The following CYP19A1 variants were observed in gnomAD, a reference collection of about 807,000 sequenced individuals.
The protein encoded by CYP19A1 is cytochrome P450 family 19 subfamily A member 1, also known as aromatase.
CYP19A1 carries 32 observed loss-of-function variants against 44.4 expected under a neutral mutation model. The observed-to-expected ratio is 0.72, with a 90% CI of 0.54 to 0.97. CYP19A1 has a LOEUF of 0.97. Ranked by LOEUF, CYP19A1 falls within the 50% of genes least tolerant of loss-of-function variation. The pLI, the probability that CYP19A1 is intolerant of heterozygous loss-of-function variation, is 0.00. For synonymous variants in CYP19A1, 212 were observed against 215.6 expected, an observed-to-expected ratio of 0.98 and a Z score of 0.14; for missense variants, 598 against 637.8, an observed-to-expected ratio of 0.94 and a Z score of 0.67.
chr15:51,276,505 G>T (rs1455044140), intron 1 of CYP19A1, among the ~76,000 whole-genome samples: 1 of 152,164 alleles, frequency 6.6e-6, no homozygotes, highest in Non-Finnish European at 1.5e-5. Context: ...AGTTAAAACT[G>T]AAAACATATC....
At chr15:51,337,562 A>G (rs2036796946) in intron 1 of CYP19A1, among the ~76,000 whole-genome samples, 1 of 152,242 alleles carries the variant, frequency 6.6e-6, no homozygotes, top group Admixed American at 6.5e-5. Flanking sequence ...ATAACCACAG[A>G]GCCCCTGCAG....
chr15:51,321,836 G>C (rs1236009940), intron 1 of CYP19A1: 1 of 152,498 alleles, frequency 6.6e-6, no homozygotes, highest in East Asian at 1.9e-4. Flanking sequence ...AGGCAGGCTG[G>C]ACTATGCTGG....
chr15:51,278,172 C>T (rs1367939088), intron 1 of CYP19A1: 2 of 151,784 alleles, frequency 1.3e-5, no homozygotes, highest in African/African-American at 4.8e-5. Context: ...GCTTAGAGAC[C>T]AAACCATTAA....
intron 4 of CYP19A1, among the ~76,000 whole-genome samples, chr15:51,224,888 T>A (rs772139937): frequency 4.6e-5 from 7 of 152,214 alleles, no homozygotes; most frequent in Non-Finnish European, 8.8e-5. Flanking sequence ...CCTGGATGCA[T>A]CATGTCTATC....
intron 4 of CYP19A1, among the ~76,000 whole-genome samples, chr15:51,225,286 CT>C (rs2032477317): frequency 6.6e-6 from 1 of 152,176 alleles, no homozygotes; most frequent in South Asian, 2.1e-4. Flanking sequence ...TTAATTAGCT[CT>C]TGCATGTCAG....
chr15:51,232,404 C>A (rs891697494), intron 3 of CYP19A1, among the ~76,000 whole-genome samples: 1 of 152,192 alleles, frequency 6.6e-6, no homozygotes, highest in South Asian at 2.1e-4. Context: ...CTGGTTTTCT[C>A]TTCTCGGTCT....
chr15:51,331,200 T>G (rs1352745086), intron 1 of CYP19A1, among the ~76,000 whole-genome samples: 1 of 152,192 alleles, frequency 6.6e-6, no homozygotes, highest in African/African-American at 2.4e-5. Flanking sequence ...TAACATTAAA[T>G]GTTCAGCAAC....
chr15:51,212,505 T>C lies in CYP19A1; in HGVS notation c.1078A>G (p.Ile360Val), dbSNP rs375736488. Reference sequence around the variant, plus strand: ...GGCTGGTACCGCATGCTCTCATAAATGAAGTTTTCCATCACTTTTAATTTT... The same window carrying C: ...GGCTGGTACCGCATGCTCTCATAAACGAAGTTTTCCATCACTTTTAATTTT... ...IQKLKVMENFIYESMRYQPVV... is the reference protein window; with the variant it reads ...IQKLKVMENFVYESMRYQPVV... The change falls in exon 9 of 10, where the codon ATT becomes GTT. Residue 360 changes from isoleucine to valine, a missense_variant. Coordinates refer to ENST00000396402, the MANE Select transcript of CYP19A1 (RefSeq NM_000103.4). 1.3e-6 allele frequency: 2 copies of C among 1,578,132 alleles called. No homozygotes were observed. Among genetic ancestry groups the C allele is most frequent in the South Asian group, 2.2e-5 (2 of 90,380 alleles).
At chr15:51,246,777 T>C (rs190673666) in intron 1 of CYP19A1, among the ~76,000 whole-genome samples, 91 of 152,272 alleles carry the variant, frequency 6.0e-4, no homozygotes, top group African/African-American at 2.0e-3. Flanking sequence ...CTAAATCCTT[T>C]TAGCGTGGGG....
At chr15:51,218,371 T>C in intron 6 of CYP19A1, 170 bp downstream of exon 6, 1 of 1,050,714 alleles carries the variant, frequency 9.5e-7, no homozygotes, top group Non-Finnish European at 1.3e-6. Context: ...TCTGGCCAAA[T>C]GCAGCCAAAT....
chr15:51,338,321 C>G (rs1278259270), intron 1 of CYP19A1, 174 bp downstream of exon 1: 1 of 152,186 alleles, frequency 6.6e-6, no homozygotes. Context: ...TCTCACACCA[C>G]GACAACAGTC....
intron 1 of CYP19A1, among the ~76,000 whole-genome samples, chr15:51,249,151 A>C (rs2034199655): frequency 1.3e-5 from 2 of 151,940 alleles, no homozygotes; most frequent in African/African-American, 4.8e-5. Context: ...ATGTTGGCCA[A>C]GCTGGTCTCG....
At position 51,212,352 on chromosome 15, in the gene CYP19A1, T is replaced by C; in HGVS notation, c.1231A>G (p.Asn411Asp). The C allele has an allele frequency of 6.2e-7, 1 of 1,602,074 alleles. No homozygotes were observed. Among genetic ancestry groups the C allele is most frequent in the Non-Finnish European group, 8.6e-7 (1 of 1,169,024 alleles). The change falls in exon 9 of 10, where the codon AAT becomes GAT. Residue 411 changes from asparagine to aspartate, a missense_variant. Transcript: ENST00000396402. ...GCAAAATTTTCAAGAGTAAATTCAT[T>C]GGGTTTGGGGAAAAACTCGAGTCTG... is the stretch of plus-strand genomic sequence containing the variant. ...MHRLEFFPKPNEFTLENFAKN... is the reference protein window; with the variant it reads ...MHRLEFFPKPDEFTLENFAKN...
At position 51,211,088 on chromosome 15, in the gene CYP19A1, A is replaced by G. The variant is rs571817175; in HGVS notation, c.1264-32T>C. 104 of 1,457,872 alleles carry G rather than the reference A, an allele frequency of 7.1e-5. No individual in the cohort carries two copies. In the South Asian group the frequency reaches 1.1e-3, roughly 15 times the overall value. 90.3% of individuals were successfully genotyped at this position (1,457,872 alleles called of 1,614,324 possible). On this transcript the variant is annotated intron_variant, in intron 9 of 9. Coordinates refer to ENST00000396402, the MANE Select transcript of CYP19A1 (RefSeq NM_000103.4). ...AAATGATCAGACAGTTAGCCAGAAT[A>G]TTAAAGGCTAGAGTCACTCAGTCTC...
At chr15:51,304,151 G>A (rs763389169) in intron 1 of CYP19A1, among the ~76,000 whole-genome samples, 8 of 152,196 alleles carry the variant, frequency 5.3e-5, no homozygotes, top group Non-Finnish European at 1.2e-4. Context: ...TTAGTATTTT[G>A]CTAGTGATTT....
At chr15:51,289,820 T>C (rs2035801557) in intron 1 of CYP19A1, among the ~76,000 whole-genome samples, 1 of 152,114 alleles carries the variant, frequency 6.6e-6, no homozygotes, top group Admixed American at 6.5e-5. Context: ...GGGAATGGGA[T>C]AGAGAGGGAG....
intron 3 of CYP19A1, among the ~76,000 whole-genome samples, chr15:51,234,925 T>A (rs1398623102): frequency 6.6e-6 from 1 of 152,058 alleles, no homozygotes; most frequent in East Asian, 1.9e-4. Context: ...CAGGTAGATA[T>A]CCTTCTAGAT....
intron 1 of CYP19A1, among the ~76,000 whole-genome samples, chr15:51,268,000 T>C (rs1044197587): frequency 6.6e-6 from 1 of 152,206 alleles, no homozygotes; most frequent in African/African-American, 2.4e-5. Context: ...CAAAGTACCA[T>C]ATCACTTTCC....
At chr15:51,317,302 G>A (rs886394662) in intron 1 of CYP19A1, among the ~76,000 whole-genome samples, 1 of 152,018 alleles carries the variant, frequency 6.6e-6, no homozygotes, top group Middle Eastern at 3.2e-3. Context: ...GTAGAGACAG[G>A]GTTTCACCAT....
Sources: allele counts gnomAD v4.1 joint callset (sites outside exome capture counted in the v4.1 genomes callset), GRCh38; gene constraint gnomAD v4.1.1; transcripts MANE v1.5; gene names NCBI Gene and HGNC (gene_info 2026-07-23, HGNC 2026-07-21).